MGLL: variants seen among roughly 807,000 people sequenced by gnomAD.
The protein encoded by MGLL is monoglyceride lipase.
In MGLL, 7 loss-of-function variants were observed where a neutral mutation model predicts 29.1. The ratio of observed to expected loss-of-function variants is 0.24; its 90% CI spans 0.14 to 0.45. The LOEUF is 0.45. MGLL is among the 20% of genes least tolerant of loss of function. MGLL has a pLI of 0.99. For missense variants in MGLL, 356 were observed against 413.6 expected (o/e 0.86, Z 1.21); for synonymous variants, 148 against 168.3 (o/e 0.88, Z 0.93).
intron 2 of MGLL, among the ~76,000 whole-genome samples, chr3:127,786,505 C>T (rs1256788288): frequency 2.0e-5 from 3 of 152,188 alleles, no homozygotes; most frequent in East Asian, 1.9e-4. Flanking sequence ...GTGGGAGGGG[C>T]GCCCAGCCCC....
chr3:127,692,997 C>A (rs2075276656), intron 7 of MGLL, among the ~76,000 whole-genome samples: 1 of 152,174 alleles, frequency 6.6e-6, no homozygotes, highest in South Asian at 2.1e-4. Flanking sequence ...AAAATCCATC[C>A]TGGGCTGATG....
chr3:127,716,263 T>G (rs186569409), intron 5 of MGLL, among the ~76,000 whole-genome samples: 38 of 152,368 alleles, frequency 2.5e-4, no homozygotes, highest in African/African-American at 8.4e-4. Context: ...CGAGAAAGTC[T>G]ATGATCTCAG....
At chr3:127,696,679 G>A (rs1156408621) in intron 6 of MGLL, among the ~76,000 whole-genome samples, 1 of 151,974 alleles carries the variant, frequency 6.6e-6, no homozygotes, top group Non-Finnish European at 1.5e-5. Context: ...CTCCCAAAGT[G>A]CTGGGATTAT....
chr3:127,721,595 G>T (rs1172073923), intron 4 of MGLL, among the ~76,000 whole-genome samples: 1 of 144,692 alleles, frequency 6.9e-6, no homozygotes, highest in East Asian at 2.1e-4. Context: ...TTTAGTAAAG[G>T]TCCTAGAAAT....
At chr3:127,746,856 T>C (rs550528455) in intron 3 of MGLL, among the ~76,000 whole-genome samples, 1 of 151,742 alleles carries the variant, frequency 6.6e-6, no homozygotes, top group East Asian at 2.0e-4. Context: ...ACCCAGTCCA[T>C]GGGCCTGGGG....
intron 2 of MGLL, among the ~76,000 whole-genome samples, chr3:127,803,233 G>T (rs1002516812): frequency 6.6e-6 from 1 of 152,200 alleles, no homozygotes; most frequent in African/African-American, 2.4e-5. Flanking sequence ...ACCTGCCTCA[G>T]CCTGCCAAAG....
At chr3:127,709,462 TACA>T (rs1304566074) in intron 6 of MGLL, among the ~76,000 whole-genome samples, 1 of 152,164 alleles carries the variant, frequency 6.6e-6, no homozygotes, top group Non-Finnish European at 1.5e-5. Context: ...GTCTCTTTCC[TACA>T]CACCACGGGC....
At chr3:127,710,140 G>A (rs2075683488) in intron 6 of MGLL, among the ~76,000 whole-genome samples, 1 of 152,230 alleles carries the variant, frequency 6.6e-6, no homozygotes, top group Admixed American at 6.5e-5. Context: ...TTCACTGGGG[G>A]AAAGCCTGTC....
intron 3 of MGLL, chr3:127,736,021 G>A: frequency 7.2e-7 from 1 of 1,395,552 alleles, no homozygotes; most frequent in Non-Finnish European, 9.3e-7. Flanking sequence ...ACATGGAACA[G>A]ACCTTTTTAT....
intron 3 of MGLL, among the ~76,000 whole-genome samples, chr3:127,771,801 T>G (rs1042384212): frequency 2.0e-5 from 3 of 152,172 alleles, no homozygotes; most frequent in Non-Finnish European, 4.4e-5. Context: ...AGAGAAGCCC[T>G]ACGTTAATTT....
chr3:127,724,814 T>C (rs1037097367), intron 3 of MGLL, among the ~76,000 whole-genome samples: 5 of 152,226 alleles, frequency 3.3e-5, no homozygotes, highest in African/African-American at 1.2e-4. Context: ...CTCTTCCGTA[T>C]GTTTCTATTC....
chr3:127,734,254 G>A lies in MGLL; in HGVS notation c.263-11688C>T, dbSNP rs541519967. 1.5e-4 allele frequency among the ~76,000 whole-genome samples: 23 copies of A among 152,348 alleles called. No homozygotes were observed. The South Asian group carries it at 4.6e-3, about 30-fold the overall frequency. On this transcript the variant is annotated intron_variant, in intron 3 of 7. Coordinates refer to ENST00000265052, the MANE Select transcript of MGLL (RefSeq NM_007283.7). ...AAAATGCAGGAAAGTGGATCCAGGT[G>A]CTAACCTGGGACTGGTCTGGTCCCT... is the stretch of plus-strand genomic sequence containing the variant.
At chr3:127,720,203 C>T (rs1043545296) in intron 5 of MGLL, among the ~76,000 whole-genome samples, 1 of 152,232 alleles carries the variant, frequency 6.6e-6, no homozygotes, top group Admixed American at 6.5e-5. Context: ...CCTACTATCT[C>T]ACCTCTTTCT....
intron 2 of MGLL, among the ~76,000 whole-genome samples, chr3:127,816,184 C>T (rs1033314872): frequency 2.0e-5 from 3 of 152,134 alleles, no homozygotes; most frequent in African/African-American, 7.2e-5. Context: ...TCGCAGGTGG[C>T]GTGAGTTCAG....
chr3:127,812,096 G>A (rs1019584997), intron 2 of MGLL, among the ~76,000 whole-genome samples: 7 of 152,222 alleles, frequency 4.6e-5, no homozygotes, highest in Non-Finnish European at 8.8e-5. Flanking sequence ...ACGTAATCAG[G>A]ACGAAAGGAA....
At chr3:127,716,264 A>G (rs1053179081) in intron 5 of MGLL, among the ~76,000 whole-genome samples, 20 of 152,358 alleles carry the variant, frequency 1.3e-4, no homozygotes, top group African/African-American at 4.3e-4. Flanking sequence ...GAGAAAGTCT[A>G]TGATCTCAGT....
chr3:127,805,663 T>C (rs1364624121), intron 2 of MGLL, among the ~76,000 whole-genome samples: 2 of 152,248 alleles, frequency 1.3e-5, no homozygotes, highest in Admixed American at 6.5e-5. Context: ...TTACGAGGCA[T>C]AGCTAGGTGC....
At chr3:127,730,708 A>G (rs2076134644) in intron 3 of MGLL, among the ~76,000 whole-genome samples, 1 of 152,196 alleles carries the variant, frequency 6.6e-6, no homozygotes, top group East Asian at 1.9e-4. Flanking sequence ...AGTTGATCAC[A>G]GTCCTCCCTC....
intron 2 of MGLL, among the ~76,000 whole-genome samples, chr3:127,802,279 T>C (rs2077492020): frequency 6.6e-6 from 1 of 152,182 alleles, no homozygotes; most frequent in South Asian, 2.1e-4. Context: ...CTTAGGTGCA[T>C]ACCTGTTTGC....
Sources: allele counts gnomAD v4.1 joint callset (sites outside exome capture counted in the v4.1 genomes callset), GRCh38; gene constraint gnomAD v4.1.1; transcripts MANE v1.5; gene names NCBI Gene and HGNC (gene_info 2026-07-23, HGNC 2026-07-21).